Variants in PDE4B observed in about 807,000 individuals in gnomAD.
PDE4B encodes phosphodiesterase 4B.
PDE4B carries 20 observed loss-of-function variants against 82.2 expected under a neutral mutation model. The ratio of observed to expected loss-of-function variants is 0.24; its 90% confidence interval spans 0.17 to 0.35. The LOEUF is 0.35. PDE4B is among the 10% of genes least tolerant of loss of function. The pLI, the probability that PDE4B is intolerant of heterozygous loss-of-function variation, is 1.00. For synonymous variants in PDE4B, 320 were observed against 318.9 expected, an observed-to-expected ratio of 1.00 and a Z score of -0.04; for missense variants, 655 against 907.2, an observed-to-expected ratio of 0.72 and a Z score of 3.57.
chr1:66,367,540 T>G (rs978306418), intron 13 of PDE4B, 156 bp from the exon 14 acceptor site: 6 of 590,206 alleles, frequency 1.0e-5, no homozygotes, highest in Admixed American at 3.5e-5. Flanking sequence ...GACTTCTGTT[T>G]GTAGAGGGCC....
At chr1:65,953,962 G>T (rs1250673907) in intron 3 of PDE4B, among the ~76,000 whole-genome samples, 1 of 152,066 alleles carries the variant, frequency 6.6e-6, no homozygotes, top group Non-Finnish European at 1.5e-5. Context: ...GTAGTGGCAT[G>T]ATCTTGGCTC....
At position 65,887,675 on chromosome 1, in the gene PDE4B, C is replaced by T. The variant is rs146203047; in HGVS notation, c.-70-25570C>T. On this transcript the variant is annotated intron_variant, in intron 1 of 16. Transcript: ENST00000341517. ...TCAAGCAATCCACCTGCCTCGGCCT[C>T]CCAAAATGCTGGGATTACAGGCATG... Among the ~76,000 whole-genome samples, 172 of 151,932 alleles carry T rather than the reference C, an allele frequency of 1.1e-3. 1 individual carries two copies. In the East Asian group the frequency reaches 0.03, roughly 26 times the overall value.
chr1:66,057,226 G>C (rs1043549096), intron 3 of PDE4B, among the ~76,000 whole-genome samples: 5 of 152,104 alleles, frequency 3.3e-5, no homozygotes, highest in African/African-American at 1.2e-4. Context: ...AGTGCTAAGT[G>C]CTGGATATAC....
At chr1:66,352,899 A>T (rs1661949050) in intron 8 of PDE4B, among the ~76,000 whole-genome samples, 1 of 152,222 alleles carries the variant, frequency 6.6e-6, no homozygotes, top group Non-Finnish European at 1.5e-5. Context: ...TTTGAATGTT[A>T]TATTTGCCTA....
intron 3 of PDE4B, among the ~76,000 whole-genome samples, chr1:66,160,929 C>A (rs1221708744): frequency 2.6e-5 from 4 of 152,198 alleles, no homozygotes; most frequent in Non-Finnish European, 5.9e-5. Context: ...TCTAGAGTGG[C>A]ACTCTCAGAA....
rs554619097 is a variant in PDE4B at position 66,026,331 on chromosome 1, T to C, written c.281+107496T>C. On this transcript the variant is annotated intron_variant, in intron 3 of 16. Transcript: ENST00000341517. ...ACTTATACTAGACTTTTCATGTCAA[T>C]GGTCCCTTTCTATGTCTAGCTAACA... Among the ~76,000 whole-genome samples, 6 of 152,172 alleles carry C rather than the reference T, an allele frequency of 3.9e-5. No homozygotes were observed. In the South Asian group the frequency reaches 8.3e-4, roughly 21 times the overall value.
At chr1:66,325,886 C>T (rs564669245) in intron 7 of PDE4B, among the ~76,000 whole-genome samples, 4 of 152,186 alleles carry the variant, frequency 2.6e-5, no homozygotes, top group Admixed American at 2.6e-4. Flanking sequence ...ATTCTCACAC[C>T]TAGTTTAAAC....
intron 16 of PDE4B, among the ~76,000 whole-genome samples, chr1:66,369,951 C>T (rs1310626834): frequency 2.0e-5 from 3 of 151,780 alleles, no homozygotes; most frequent in Non-Finnish European, 4.4e-5. Flanking sequence ...AGTTCAAAAC[C>T]AGCCTGGCCA....
intron 3 of PDE4B, among the ~76,000 whole-genome samples, chr1:66,149,712 G>C (rs1646353286): frequency 6.6e-6 from 1 of 152,078 alleles, no homozygotes; most frequent in African/African-American, 2.4e-5. Flanking sequence ...AATTATCCAG[G>C]TGTGGTGGCA....
At chr1:66,103,727 T>G (rs1645274860) in intron 3 of PDE4B, among the ~76,000 whole-genome samples, 1 of 152,034 alleles carries the variant, frequency 6.6e-6, no homozygotes, top group Non-Finnish European at 1.5e-5. Flanking sequence ...CTCTAGAGAT[T>G]TCCCCCTGTG....
At chr1:65,994,510 T>TG (rs1553129784) in intron 3 of PDE4B, among the ~76,000 whole-genome samples, 2 of 152,102 alleles carry the variant, frequency 1.3e-5, no homozygotes, top group Admixed American at 1.3e-4. Flanking sequence ...ATGGTAACAT[T>TG]GTATAAAGGG....
chr1:65,957,587 A>C (rs1207338986), intron 3 of PDE4B, among the ~76,000 whole-genome samples: 4 of 152,134 alleles, frequency 2.6e-5, no homozygotes, highest in African/African-American at 9.7e-5. Context: ...AACCTGTTAT[A>C]ACTTTCATTG....
intron 1 of PDE4B, among the ~76,000 whole-genome samples, chr1:65,886,987 A>G (rs1646785301): frequency 1.3e-5 from 2 of 152,314 alleles, no homozygotes; most frequent in East Asian, 1.9e-4. Context: ...ATTCCCACCA[A>G]CAGTGTGTAA....
chr1:66,076,468 C>G (rs114129822), intron 3 of PDE4B, among the ~76,000 whole-genome samples: 76 of 152,202 alleles, frequency 5.0e-4, no homozygotes, highest in Middle Eastern at 3.4e-3. Flanking sequence ...GTGAATAATG[C>G]AGTGATGAAC....
At chr1:66,145,580 T>C (rs1178119133) in intron 3 of PDE4B, among the ~76,000 whole-genome samples, 1 of 152,216 alleles carries the variant, frequency 6.6e-6, no homozygotes, top group Non-Finnish European at 1.5e-5. Context: ...TTTATCTTTG[T>C]ATGATGAATG....
intron 1 of PDE4B, among the ~76,000 whole-genome samples, chr1:65,886,061 G>T (rs1468969266): frequency 6.6e-6 from 1 of 150,522 alleles, no homozygotes; most frequent in Non-Finnish European, 1.5e-5. Flanking sequence ...TATGAAAAAA[G>T]GAACATAAAA....
At chr1:65,872,149 A>C in intron 1 of PDE4B, among the ~76,000 whole-genome samples, 1 of 151,998 alleles carries the variant, frequency 6.6e-6, no homozygotes, top group Non-Finnish European at 1.5e-5. Flanking sequence ...CCCCAAATTT[A>C]TGTGTGCAGA....
chr1:66,158,867 C>T (rs1201346092), intron 3 of PDE4B, among the ~76,000 whole-genome samples: 1 of 152,048 alleles, frequency 6.6e-6, no homozygotes, highest in African/African-American at 2.4e-5. Context: ...CATGATCTCA[C>T]TCATTTGTGG....
chr1:66,224,578 G>A (rs1225275451), intron 3 of PDE4B, among the ~76,000 whole-genome samples: 2 of 152,174 alleles, frequency 1.3e-5, no homozygotes, highest in African/African-American at 2.4e-5. Context: ...ACTTACGTGG[G>A]CACTGTGGCG....
Sources: gnomAD v4.1 joint callset for allele counts (sites outside exome capture counted in the v4.1 genomes callset) on GRCh38, gnomAD v4.1.1 for gene constraint, MANE v1.5 for transcripts, NCBI Gene and HGNC (gene_info 2026-07-23, HGNC 2026-07-21) for gene names.